EPHB1: variants seen among roughly 807,000 people sequenced by gnomAD.
EPHB1 encodes the protein EPH receptor B1, also known as ephrin type-B receptor 1.
A neutral mutation model predicts 94.4 loss-of-function variants in EPHB1; 30 were observed. That is an observed-to-expected ratio of 0.32 (90% confidence interval 0.24 to 0.43). The LOEUF is 0.43. EPHB1 is among the 20% of genes least tolerant of loss of function. The pLI, the probability that EPHB1 is intolerant of heterozygous loss-of-function variation, is 1.00. For missense variants in EPHB1, 1,055 were observed against 1,308.3 expected, an observed-to-expected ratio of 0.81 and a Z score of 2.99; for synonymous variants, 522 against 489.1, an observed-to-expected ratio of 1.07 and a Z score of -0.89.
chr3:135,144,650 G>A (rs1289140391), intron 5 of EPHB1, among the ~76,000 whole-genome samples: 1 of 151,788 alleles, frequency 6.6e-6, no homozygotes, highest in Admixed American at 6.6e-5. Flanking sequence ...ACCCCCACCT[G>A]TCACCCCCCA....
chr3:134,812,487 T>C (rs1459301915), intron 1 of EPHB1, among the ~76,000 whole-genome samples: 1 of 152,264 alleles, frequency 6.6e-6, no homozygotes, highest in Non-Finnish European at 1.5e-5. Context: ...TGCATAGATA[T>C]CTCACAATTG....
chr3:135,026,109 AT>A, intron 3 of EPHB1, among the ~76,000 whole-genome samples: 1 of 118,552 alleles, frequency 8.4e-6, no homozygotes, highest in Non-Finnish European at 1.7e-5. Context: ...GATTCTGGAT[AT>A]TAGCCCTTTG....
chr3:135,246,713 AGGAG>A (rs1285344199), intron 13 of EPHB1, among the ~76,000 whole-genome samples: 1 of 65,958 alleles, frequency 1.5e-5, no homozygotes, highest in Non-Finnish European at 3.3e-5. Flanking sequence ...AGTTTAGAGG[AGGAG>A]GAGAAAAAAG....
chr3:135,149,031 G>T (rs1036216773), intron 5 of EPHB1, among the ~76,000 whole-genome samples: 24 of 152,096 alleles, frequency 1.6e-4, no homozygotes, highest in African/African-American at 5.8e-4. Context: ...ACTCTGTTGG[G>T]TCAGCCTCTT....
intron 3 of EPHB1, among the ~76,000 whole-genome samples, chr3:134,972,945 T>C (rs1330357089): frequency 6.6e-6 from 1 of 152,240 alleles, no homozygotes. Context: ...GTTATGTCCC[T>C]TGTGTTCCTG....
intron 13 of EPHB1, 125 bp downstream of exon 13, chr3:135,241,422 G>A (rs1576493993): frequency 1.7e-6 from 2 of 1,188,416 alleles, no homozygotes; most frequent in East Asian, 4.7e-5. Context: ...GTTCAGGGTA[G>A]GGGATACAGG....
intron 3 of EPHB1, among the ~76,000 whole-genome samples, chr3:135,033,192 T>C (rs1164544903): frequency 6.6e-6 from 1 of 152,178 alleles, no homozygotes; most frequent in East Asian, 1.9e-4. Context: ...GGGGAATTCC[T>C]TTCCTGCCAG....
At chr3:134,884,453 G>T (rs903607421) in intron 1 of EPHB1, among the ~76,000 whole-genome samples, 1 of 152,178 alleles carries the variant, frequency 6.6e-6, no homozygotes, top group East Asian at 1.9e-4. Flanking sequence ...TGAAGCCAAA[G>T]CTGCTCAGAT....
intron 3 of EPHB1, among the ~76,000 whole-genome samples, chr3:135,034,000 G>T (rs553406135): frequency 6.6e-6 from 1 of 151,846 alleles, no homozygotes; most frequent in African/African-American, 2.4e-5. Context: ...TCAAACCTCC[G>T]TCAATATTTA....
At chr3:135,231,562 G>A (rs992817663) in intron 12 of EPHB1, among the ~76,000 whole-genome samples, 2 of 152,174 alleles carry the variant, frequency 1.3e-5, no homozygotes, top group African/African-American at 4.8e-5. Context: ...CAAAGCTCAG[G>A]GGAGAGGCAG....
chr3:135,255,478 A>G (rs1933340441), intron 15 of EPHB1, among the ~76,000 whole-genome samples: 3 of 144,580 alleles, frequency 2.1e-5, no homozygotes, highest in Admixed American at 6.9e-5. Flanking sequence ...TTATGTACCC[A>G]GTAGTCATTC....
chr3:135,077,321 C>T (rs1937970664), intron 3 of EPHB1, among the ~76,000 whole-genome samples: 1 of 152,160 alleles, frequency 6.6e-6, no homozygotes, highest in Non-Finnish European at 1.5e-5. Context: ...TATCCTGCTC[C>T]CAGGTTTGTT....
intron 5 of EPHB1, among the ~76,000 whole-genome samples, chr3:135,139,402 T>A (rs943959295): frequency 6.6e-6 from 1 of 152,144 alleles, no homozygotes; most frequent in African/African-American, 2.4e-5. Context: ...CTTAACACAT[T>A]CTTTATGACT....
rs146097320 is a variant in EPHB1 at position 135,179,687 on chromosome 3, G to A, written c.1760-173G>A. Among the ~76,000 whole-genome samples the A allele has an allele frequency of 1.7e-3, 253 of 152,310 alleles. 1 individual carries two copies. Among genetic ancestry groups the A allele is most frequent in the African/African-American group, 5.8e-3 (243 of 41,574 alleles). ...CAGAGAATCAGTCTAGAATGACCCA[G>A]AAGGAAGGGAGATGAGGAGGCCCAG... is the stretch of plus-strand genomic sequence containing the variant. On this transcript the variant is annotated intron_variant, in intron 9 of 15. Coordinates refer to ENST00000398015, the MANE Select transcript of EPHB1 (RefSeq NM_004441.5).
intron 12 of EPHB1, among the ~76,000 whole-genome samples, chr3:135,238,065 AATTGAT>A (rs1424915194): frequency 6.6e-6 from 1 of 152,226 alleles, no homozygotes; most frequent in African/African-American, 2.4e-5. Flanking sequence ...TTATGTCAAT[AATTGAT>A]ATTGATATTG....
At chr3:135,015,246 G>GTTTT (rs59675045) in intron 3 of EPHB1, among the ~76,000 whole-genome samples, 71 of 146,082 alleles carry the variant, frequency 4.9e-4, no homozygotes, top group African/African-American at 1.7e-3. Flanking sequence ...CCAGTGCCTG[G>GTTTT]TTTTTTTTTT....
chr3:134,945,216 G>C (rs2039194263), intron 2 of EPHB1, among the ~76,000 whole-genome samples: 1 of 151,700 alleles, frequency 6.6e-6, no homozygotes, highest in Non-Finnish European at 1.5e-5. Flanking sequence ...TTTTAAATTT[G>C]CTCATGGCTA....
At chr3:134,976,958 C>T (rs1474794432) in intron 3 of EPHB1, among the ~76,000 whole-genome samples, 1 of 152,200 alleles carries the variant, frequency 6.6e-6, no homozygotes, top group Admixed American at 6.5e-5. Context: ...CCCAGTTCAT[C>T]AACATTACAA....
At chr3:134,947,114 T>C (rs1399209071) in intron 2 of EPHB1, among the ~76,000 whole-genome samples, 2 of 152,238 alleles carry the variant, frequency 1.3e-5, no homozygotes, top group East Asian at 1.9e-4. Flanking sequence ...ATAAGCTTCA[T>C]ATTGTTATAT....
Sources: gnomAD v4.1 joint callset for allele counts (sites outside exome capture counted in the v4.1 genomes callset) on GRCh38, gnomAD v4.1.1 for gene constraint, MANE v1.5 for transcripts, NCBI Gene and HGNC (gene_info 2026-07-23, HGNC 2026-07-21) for gene names.